The following INPP5A variants were observed in gnomAD, a reference collection of about 807,000 sequenced individuals.
The protein encoded by INPP5A is 43 kDa inositol polyphosphate 5-phophatase.
INPP5A carries 14 observed loss-of-function variants against 65.2 expected under a neutral mutation model. The ratio of observed to expected loss-of-function variants is 0.21; its 90% confidence interval spans 0.14 to 0.34. The LOEUF (loss-of-function observed/expected upper bound fraction) is 0.34. INPP5A is among the 10% of genes least tolerant of loss of function. The probability of loss-of-function intolerance (pLI) is 1.00; values close to 1 mark genes in which losing one functional copy is unlikely to be tolerated. For missense variants in INPP5A, 431 were observed against 545.6 expected, an observed-to-expected ratio of 0.79 and a Z score of 2.09; for synonymous variants, 207 against 208.3, an observed-to-expected ratio of 0.99 and a Z score of 0.05.
intron 12 of INPP5A, among the ~76,000 whole-genome samples, chr10:132,774,270 T>TA (rs1469680152): frequency 6.6e-6 from 1 of 152,210 alleles, no homozygotes; most frequent in African/African-American, 2.4e-5. Context: ...GGCAGAGCTT[T>TA]GATGAGGTCC....
At chr10:132,766,986 G>A (rs1846858467) in intron 12 of INPP5A, among the ~76,000 whole-genome samples, 1 of 147,686 alleles carries the variant, frequency 6.8e-6, no homozygotes, top group African/African-American at 2.5e-5. Flanking sequence ...CGGAGCTTGG[G>A]TGGGAGCTGG....
chr10:132,593,136 C>A (rs2071639745), intron 1 of INPP5A, among the ~76,000 whole-genome samples: 1 of 152,204 alleles, frequency 6.6e-6, no homozygotes, highest in Admixed American at 6.5e-5. Flanking sequence ...ATGAGACCCA[C>A]CCAGGATTAT....
chr10:132,773,360 G>A (rs1275796562), intron 12 of INPP5A, among the ~76,000 whole-genome samples: 1 of 152,202 alleles, frequency 6.6e-6, no homozygotes, highest in Non-Finnish European at 1.5e-5. Context: ...GCAAGATCGA[G>A]TTTTAGCTTC....
chr10:132,718,843 T>G (rs1357031539), intron 8 of INPP5A, among the ~76,000 whole-genome samples: 1 of 149,564 alleles, frequency 6.7e-6, no homozygotes, highest in Non-Finnish European at 1.5e-5. Flanking sequence ...CTGGGTTCTG[T>G]CTGGGCACCT....
intron 2 of INPP5A, among the ~76,000 whole-genome samples, chr10:132,634,505 C>G (rs749835497): frequency 6.6e-6 from 1 of 152,234 alleles, no homozygotes; most frequent in Non-Finnish European, 1.5e-5. Flanking sequence ...GGTTTTCTGT[C>G]GTGCCAAGTG....
chr10:132,656,299 CAGA>C (rs924528482), intron 4 of INPP5A, among the ~76,000 whole-genome samples: 6 of 152,248 alleles, frequency 3.9e-5, no homozygotes, highest in Non-Finnish European at 7.3e-5. Flanking sequence ...TCCACCCACC[CAGA>C]AGAAGTTTGA....
intron 9 of INPP5A, among the ~76,000 whole-genome samples, chr10:132,737,671 C>T (rs752799777): frequency 6.6e-6 from 1 of 152,178 alleles, no homozygotes. Context: ...GCGGTGAGGG[C>T]CTGCAGAGGG....
chr10:132,766,856 C>T (rs142478751), intron 12 of INPP5A, among the ~76,000 whole-genome samples: 144 of 138,766 alleles, frequency 1.0e-3, no homozygotes, highest in African/African-American at 3.6e-3. Context: ...GCTGGAGGTG[C>T]GGCCTCAGGG....
chr10:132,734,537 A>G (rs189824745), intron 9 of INPP5A, among the ~76,000 whole-genome samples: 1 of 152,182 alleles, frequency 6.6e-6, no homozygotes, highest in Non-Finnish European at 1.5e-5. Context: ...TGGATGGCTG[A>G]GGTTCTGGGT....
At position 132,603,485 on chromosome 10, in the gene INPP5A, G is replaced by T. The variant is rs2071802151; in HGVS notation, c.76-4430G>T. Among the ~76,000 whole-genome samples, 1 of 152,178 alleles carries T rather than the reference G, an allele frequency of 6.6e-6. No homozygotes were observed. Among genetic ancestry groups the T allele is most frequent in the African/African-American group, 2.4e-5 (1 of 41,438 alleles). ...TGCTTCACCAGTTAAATTTAATCCT[G>T]CTCAAATTGTCAGGAGAAACAGACA... is the stretch of plus-strand genomic sequence containing the variant. On this transcript the variant is annotated intron_variant, in intron 1 of 15. Transcript: ENST00000368594. This position sits in a 1 kb window ranked among gnomAD's most constrained non-coding sequence, Gnocchi z 4.2.
At chr10:132,700,477 C>A (rs1429450141) in intron 6 of INPP5A, among the ~76,000 whole-genome samples, 1 of 152,244 alleles carries the variant, frequency 6.6e-6, no homozygotes, top group Admixed American at 6.5e-5. Context: ...GGTAAATTAA[C>A]AAAAGGAAAC....
chr10:132,703,799 C>T (rs1280738814), intron 6 of INPP5A, among the ~76,000 whole-genome samples: 3 of 89,872 alleles, frequency 3.3e-5, no homozygotes, highest in African/African-American at 9.7e-5. Context: ...CCCACACACA[C>T]GCTTGGCTTC....
intron 4 of INPP5A, among the ~76,000 whole-genome samples, chr10:132,661,383 C>T (rs950960823): frequency 6.6e-6 from 1 of 152,142 alleles, no homozygotes; most frequent in African/African-American, 2.4e-5. Flanking sequence ...AAGCTGTCAA[C>T]TTGTAAATGA....
At chr10:132,747,246 C>A (rs1339217501) in intron 9 of INPP5A, among the ~76,000 whole-genome samples, 1 of 152,254 alleles carries the variant, frequency 6.6e-6, no homozygotes, top group African/African-American at 2.4e-5. Flanking sequence ...AGGGTGGCCC[C>A]GCTGTGTGGC....
chr10:132,606,487 T>C (rs76669246), intron 1 of INPP5A, among the ~76,000 whole-genome samples: 3,548 of 152,292 alleles, frequency 0.023, 50 homozygotes, highest in South Asian at 0.039. Flanking sequence ...GTGTGTGTGC[T>C]GGGGTTGTGT....
intron 13 of INPP5A, among the ~76,000 whole-genome samples, chr10:132,778,512 A>G (rs1189806527): frequency 6.6e-6 from 1 of 152,094 alleles, no homozygotes; most frequent in Non-Finnish European, 1.5e-5. Flanking sequence ...GAGTGTTTTC[A>G]GAAGAATCAA....
At chr10:132,755,937 C>T (rs548953161) in intron 11 of INPP5A, among the ~76,000 whole-genome samples, 148 of 152,310 alleles carry the variant, frequency 9.7e-4, no homozygotes, top group African/African-American at 3.4e-3. Flanking sequence ...GCACATGTAC[C>T]TGGCACACAC....
intron 9 of INPP5A, among the ~76,000 whole-genome samples, chr10:132,740,676 G>A (rs1251138586): frequency 6.6e-6 from 1 of 152,096 alleles, no homozygotes; most frequent in Non-Finnish European, 1.5e-5. Context: ...GAGTGGCTAC[G>A]TGGAACTTCT....
intron 8 of INPP5A, among the ~76,000 whole-genome samples, chr10:132,719,154 G>T (rs972522566): frequency 8.9e-5 from 13 of 145,842 alleles, no homozygotes; most frequent in African/African-American, 3.3e-4. Flanking sequence ...TTCTGTCTGG[G>T]TGCCTTAGAC....
Sources: gnomAD v4.1 joint callset for allele counts (sites outside exome capture counted in the v4.1 genomes callset) on GRCh38, gnomAD v4.1.1 for gene constraint, Gnocchi (gnomAD v3.1) non-coding constraint, MANE v1.5 for transcripts, NCBI Gene and HGNC (gene_info 2026-07-23, HGNC 2026-07-21) for gene names.